The following SPON1 variants were observed in gnomAD, a reference collection of about 807,000 sequenced individuals.
The protein encoded by SPON1 is spondin 1.
SPON1 carries 52 observed loss-of-function variants against 111.7 expected under a neutral mutation model. The observed-to-expected ratio is 0.47, with a 90% CI of 0.37 to 0.59. The LOEUF is 0.59. Among genes scored for constraint, SPON1 ranks in the 20% least tolerant of loss-of-function variants. The pLI, the probability that SPON1 is intolerant of heterozygous loss-of-function variation, is 0.00. For synonymous variants in SPON1, 410 were observed against 395.8 expected (o/e 1.04, Z -0.43); for missense variants, 957 against 1,068.5 (o/e 0.90, Z 1.46).
intron 6 of SPON1, among the ~76,000 whole-genome samples, chr11:14,148,035 A>G (rs1297122707): frequency 2.6e-5 from 4 of 151,846 alleles, no homozygotes; most frequent in African/African-American, 9.7e-5. Context: ...ACCTTTCTAC[A>G]CTGGAGAGCG....
In SPON1 at chr11:14,056,003, C is replaced by A. The variant is rs1197295130; in HGVS notation, c.479+14349C>A. On this transcript the variant is annotated intron_variant, in intron 3 of 15. Transcript: ENST00000576479. ...GTCCCAGGTTGCCCCAATTTCCAGA[C>A]CTAACTCCCCTCCACACTAGTTTGC... is the stretch of plus-strand genomic sequence containing the variant. 5.3e-5 allele frequency among the ~76,000 whole-genome samples: 8 copies of A among 152,298 alleles called. No homozygotes were observed. In the South Asian group the frequency reaches 1.2e-3, roughly 24 times the overall value.
intron 6 of SPON1, among the ~76,000 whole-genome samples, chr11:14,229,224 G>T (rs190010846): frequency 6.6e-6 from 1 of 152,208 alleles, no homozygotes; most frequent in Admixed American, 6.5e-5. Context: ...ATACTATGAC[G>T]TGGGTACTTT....
At chr11:14,100,589 C>T (rs1849135821) in intron 5 of SPON1, among the ~76,000 whole-genome samples, 1 of 152,110 alleles carries the variant, frequency 6.6e-6, no homozygotes, top group African/African-American at 2.4e-5. Flanking sequence ...TCTCTACTAT[C>T]CCTGTACCCA....
chr11:14,176,163 A>T (rs1367033635), intron 6 of SPON1, among the ~76,000 whole-genome samples: 1 of 152,104 alleles, frequency 6.6e-6, no homozygotes, highest in Non-Finnish European at 1.5e-5. Context: ...CAGACGAATA[A>T]GGAGGGTTCT....
rs1003361621 is a variant in SPON1, at chr11:14,227,919, G to A, written c.826-15413G>A. Among the ~76,000 whole-genome samples, 6 of 152,226 alleles carry A rather than the reference G, an allele frequency of 3.9e-5. 1 individual carries two copies. The highest frequency in any genetic ancestry group is 3.9e-4 in the Admixed American group (6 of 15,290). On this transcript the variant is annotated intron_variant, in intron 6 of 15. Coordinates refer to ENST00000576479, the MANE Select transcript of SPON1 (RefSeq NM_006108.4). ...CAAGCTCACAAACACCCAAGGTTGA[G>A]TTATAAGGATTTTCATTATCATATT...
At chr11:13,980,073 C>T (rs1407838267) in intron 1 of SPON1, among the ~76,000 whole-genome samples, 3 of 151,766 alleles carry the variant, frequency 2.0e-5, no homozygotes, top group African/African-American at 4.8e-5. Context: ...CAGAGTCACG[C>T]TCTGTTGCCC....
At chr11:14,128,484 C>T (rs1847488707) in intron 5 of SPON1, among the ~76,000 whole-genome samples, 2 of 152,232 alleles carry the variant, frequency 1.3e-5, no homozygotes, top group South Asian at 2.1e-4. Flanking sequence ...CTCCCGAGGC[C>T]TTGGGCAGCT....
intron 3 of SPON1, among the ~76,000 whole-genome samples, chr11:14,070,588 C>T (rs571782745): frequency 2.6e-5 from 4 of 152,336 alleles, no homozygotes; most frequent in African/African-American, 9.6e-5. Context: ...TAGGAACTTA[C>T]ATGAATTGTC....
rs1849266925 is a variant in SPON1 at position 14,266,263 on chromosome 11, T to A, written c.*576T>A. On this transcript the variant is annotated 3_prime_UTR_variant, in exon 16 of 16. Transcript: ENST00000576479. ...TGTTGGGTGGCTTTTGTTCTTTCAC[T>A]GAGAAATTCGGAATACATTTGTCTC... 6.6e-6 allele frequency: 1 copy of A among 152,236 alleles called. No individual in the cohort carries two copies. 9.4% of individuals were successfully genotyped at this position (152,236 alleles called of 1,614,324 possible).
chr11:14,265,811 C>CAGT lies in SPON1; in HGVS notation c.*128_*130dup. 1 of 1,165,612 alleles carries CAGT rather than the reference C, an allele frequency of 8.6e-7. No individual in the cohort carries two copies. Among genetic ancestry groups the CAGT allele is most frequent in the Non-Finnish European group, 1.2e-6 (1 of 833,752 alleles). The allele number at this position is 1,165,612 out of a possible 1,614,324, so 72.2% of individuals were successfully genotyped here. A position where few individuals can be genotyped will look rare whatever the true frequency, so the allele number is the denominator to read the frequency against. On this transcript the variant is annotated 3_prime_UTR_variant, in exon 16 of 16. Coordinates refer to ENST00000576479, the MANE Select transcript of SPON1 (RefSeq NM_006108.4). ...TTTCATTTTTGCAGTGTGGTTCGCC[C>CAGT]AGTAGTCTTGTGGATGCCAGAGACA...
chr11:14,110,709 C>T (rs1554925376), intron 5 of SPON1, among the ~76,000 whole-genome samples: 1 of 152,202 alleles, frequency 6.6e-6, no homozygotes, highest in East Asian at 1.9e-4. Flanking sequence ...GTCTAATGTC[C>T]AAAGGCAGGA....
intron 6 of SPON1, among the ~76,000 whole-genome samples, chr11:14,168,134 G>A (rs1268919806): frequency 2.0e-5 from 3 of 152,036 alleles, no homozygotes; most frequent in African/African-American, 2.4e-5. Context: ...AGTAGGCATG[G>A]CTCTCCATAT....
At chr11:14,024,379 G>A (rs1848502442) in intron 2 of SPON1, among the ~76,000 whole-genome samples, 1 of 152,164 alleles carries the variant, frequency 6.6e-6, no homozygotes, top group East Asian at 1.9e-4. Flanking sequence ...AGGTGGGCTT[G>A]GTGCAAGGTT....
intron 2 of SPON1, among the ~76,000 whole-genome samples, chr11:13,994,232 G>A (rs1240340155): frequency 6.6e-6 from 1 of 152,146 alleles, no homozygotes; most frequent in African/African-American, 2.4e-5. Context: ...ACTAACCTAA[G>A]CTTAATCAGT....
chr11:14,253,781 T>C (rs1293028739), intron 7 of SPON1, among the ~76,000 whole-genome samples: 1 of 152,244 alleles, frequency 6.6e-6, no homozygotes, highest in Non-Finnish European at 1.5e-5. Context: ...ATGGCCTCTC[T>C]ATGAGACAGG....
At chr11:14,168,818 G>A (rs536686084) in intron 6 of SPON1, among the ~76,000 whole-genome samples, 25 of 152,150 alleles carry the variant, frequency 1.6e-4, no homozygotes, top group South Asian at 4.2e-4. Context: ...ACGTCCCTAC[G>A]AAGGACATGA....
In SPON1 at chr11:14,160,907, A is replaced by ATATATT. The variant is rs1847933382; in HGVS notation, c.825+25344_825+25345insTTATAT. On this transcript the variant is annotated intron_variant, in intron 6 of 15. Coordinates refer to ENST00000576479, the MANE Select transcript of SPON1 (RefSeq NM_006108.4). ...TATATTTATATATATTTATATATTT[A>ATATATT]TATATATATTTATATATTTATATAT... Among the ~76,000 whole-genome samples the ATATATT allele has an allele frequency of 6.3e-5, 2 of 31,708 alleles. 1 individual carries two copies. 20.8% of individuals were successfully genotyped at this position (31,708 alleles called of 152,430 possible). A position where few individuals can be genotyped will look rare whatever the true frequency, so the allele number is the denominator to read the frequency against.
chr11:13,972,795 G>T (rs1848073163), intron 1 of SPON1, among the ~76,000 whole-genome samples: 1 of 152,084 alleles, frequency 6.6e-6, no homozygotes. Flanking sequence ...AATTAGTCAG[G>T]ACTCTTTCCA....
At position 14,020,939 on chromosome 11, in the gene SPON1, C is replaced by T. The variant is rs56724789; in HGVS notation, c.346-20582C>T. 4.3e-3 allele frequency among the ~76,000 whole-genome samples: 648 copies of T among 152,260 alleles called. 4 individuals carry two copies. The highest frequency in any genetic ancestry group is 0.014 in the African/African-American group (592 of 41,552). On this transcript the variant is annotated intron_variant, in intron 2 of 15. Transcript: ENST00000576479. ...TAAGGATGCAGATATAAGTGAAATA[C>T]ACTGAATATTTCTGGCACAGATTAT...
Sources: gnomAD v4.1 joint callset for allele counts (sites outside exome capture counted in the v4.1 genomes callset) on GRCh38, gnomAD v4.1.1 for gene constraint, MANE v1.5 for transcripts, NCBI Gene and HGNC (gene_info 2026-07-23, HGNC 2026-07-21) for gene names.